NELL2: variants seen among roughly 807,000 people sequenced by gnomAD.
The protein encoded by NELL2 is protein kinase C-binding protein NELL2.
In NELL2, 41 loss-of-function variants were observed where a neutral mutation model predicts 109.6. The ratio of observed to expected loss-of-function variants is 0.37; its 90% CI spans 0.29 to 0.49. The LOEUF (loss-of-function observed/expected upper bound fraction) is 0.49, where lower values mean the gene tolerates loss of function less well. Among genes scored for constraint, NELL2 ranks in the 20% least tolerant of loss-of-function variants. NELL2 has a pLI of 0.98. For synonymous variants in NELL2, 355 were observed against 344.7 expected (o/e 1.03, Z -0.33); for missense variants, 900 against 1,008.3 (o/e 0.89, Z 1.45).
intron 15 of NELL2, among the ~76,000 whole-genome samples, chr12:44,583,571 T>G (rs780959201): frequency 6.6e-6 from 1 of 152,182 alleles, no homozygotes; most frequent in African/African-American, 2.4e-5. Flanking sequence ...TCATGAACTG[T>G]GTGAATTATT....
intron 2 of NELL2, among the ~76,000 whole-genome samples, chr12:44,833,523 A>G (rs1248232503): frequency 6.6e-6 from 1 of 151,702 alleles, no homozygotes; most frequent in African/African-American, 2.4e-5. Context: ...TGTGTACTAT[A>G]CCTCTCTTCT....
chr12:44,648,500 G>GT (rs1416921708), intron 13 of NELL2, among the ~76,000 whole-genome samples: 1 of 151,648 alleles, frequency 6.6e-6, no homozygotes, highest in Non-Finnish European at 1.5e-5. Flanking sequence ...ACTAAGGTGT[G>GT]TGAGTGTTAC....
At chr12:44,901,080 A>G (rs1945654882) in intron 1 of NELL2, among the ~76,000 whole-genome samples, 1 of 152,162 alleles carries the variant, frequency 6.6e-6, no homozygotes, top group Non-Finnish European at 1.5e-5. Flanking sequence ...AGAGATATGA[A>G]AAAGACTTCA....
At chr12:44,669,774 A>G (rs1042779836) in intron 12 of NELL2, among the ~76,000 whole-genome samples, 2 of 152,184 alleles carry the variant, frequency 1.3e-5, no homozygotes, top group Admixed American at 6.5e-5. Context: ...AGGAAACTAT[A>G]TAGTAACTAA....
At chr12:44,562,456 A>G (rs1287145954) in intron 15 of NELL2, among the ~76,000 whole-genome samples, 1 of 152,226 alleles carries the variant, frequency 6.6e-6, no homozygotes, top group Non-Finnish European at 1.5e-5. Context: ...CAAAGAACTT[A>G]AACAAATTTA....
intron 1 of NELL2, among the ~76,000 whole-genome samples, chr12:44,921,238 T>C (rs1945866114): frequency 6.6e-6 from 1 of 152,200 alleles, no homozygotes; most frequent in Admixed American, 6.5e-5. Flanking sequence ...AAACACTAGA[T>C]AGACTTGTGC....
chr12:44,561,505 C>A (rs1486905272), intron 15 of NELL2, among the ~76,000 whole-genome samples: 1 of 152,116 alleles, frequency 6.6e-6, no homozygotes, highest in Non-Finnish European at 1.5e-5. Flanking sequence ...AATCAATGTG[C>A]CAAAATCACA....
At chr12:44,678,445 T>C (rs1333487033) in intron 12 of NELL2, among the ~76,000 whole-genome samples, 1 of 152,078 alleles carries the variant, frequency 6.6e-6, no homozygotes, top group East Asian at 1.9e-4. Context: ...CATTCACTTC[T>C]GGAGTCCAGT....
chr12:44,859,679 C>T (rs1013771781), intron 2 of NELL2, among the ~76,000 whole-genome samples: 4 of 152,146 alleles, frequency 2.6e-5, no homozygotes, highest in African/African-American at 9.7e-5. Context: ...TAGATGCCTA[C>T]AAGAATGGGA....
intron 13 of NELL2, among the ~76,000 whole-genome samples, chr12:44,648,822 G>A (rs1257873303): frequency 7.2e-6 from 1 of 139,496 alleles, no homozygotes; most frequent in Non-Finnish European, 1.5e-5. Context: ...TGCAACCTCC[G>A]CCTCCCAGGT....
chr12:44,675,951 C>G (rs1948302038), intron 12 of NELL2, among the ~76,000 whole-genome samples: 1 of 152,062 alleles, frequency 6.6e-6, no homozygotes, highest in South Asian at 2.1e-4. Context: ...CCCTTTCCTG[C>G]CACATTATAC....
rs190989418 is a variant in NELL2 at position 44,583,085 on chromosome 12, T to C, written c.1663+24084A>G. Among the ~76,000 whole-genome samples the C allele has an allele frequency of 3.4e-3, 517 of 152,286 alleles. 5 individuals are homozygous for C. Among genetic ancestry groups the C allele is most frequent in the South Asian group, 0.022 (104 of 4,828 alleles). On this transcript the variant is annotated intron_variant, in intron 15 of 19. Coordinates refer to ENST00000429094, the MANE Select transcript of NELL2 (RefSeq NM_001145108.2). Reference sequence around the variant, plus strand: ...GAAATAAATTTCTTTTCACTAAAATTACCCAGTATGTGGTATTCTGTTATA... The same window carrying C: ...GAAATAAATTTCTTTTCACTAAAATCACCCAGTATGTGGTATTCTGTTATA...
chr12:44,770,592 AT>A (rs1471589343), intron 9 of NELL2, among the ~76,000 whole-genome samples: 2 of 152,228 alleles, frequency 1.3e-5, no homozygotes, highest in African/African-American at 4.8e-5. Context: ...TTAAAGTGTA[AT>A]CTATATTATA....
chr12:44,545,160 G>T (rs1183399675), intron 15 of NELL2, among the ~76,000 whole-genome samples: 1 of 152,036 alleles, frequency 6.6e-6, no homozygotes, highest in East Asian at 1.9e-4. Flanking sequence ...TCTGATACAT[G>T]AATGAGTTGA....
intron 1 of NELL2, among the ~76,000 whole-genome samples, chr12:44,900,412 C>G (rs1945647519): frequency 6.6e-6 from 1 of 152,180 alleles, no homozygotes; most frequent in South Asian, 2.1e-4. Flanking sequence ...AACAAACAGT[C>G]TCTTAGACCA....
At chr12:44,581,635 A>G (rs1420637891) in intron 15 of NELL2, among the ~76,000 whole-genome samples, 1 of 129,012 alleles carries the variant, frequency 7.8e-6, no homozygotes, top group African/African-American at 4.2e-5. Flanking sequence ...TGGTTAAAAG[A>G]AAAAAAAATA....
At chr12:44,831,164 C>G (rs1476308434) in intron 2 of NELL2, among the ~76,000 whole-genome samples, 2 of 152,040 alleles carry the variant, frequency 1.3e-5, no homozygotes, top group African/African-American at 4.8e-5. Context: ...GTATAAAATA[C>G]AGAAGATTCA....
intron 19 of NELL2, 53 bp from the exon 20 acceptor site, chr12:44,509,037 T>TAAATGATC (rs1940856784): frequency 6.9e-7 from 1 of 1,445,854 alleles, no homozygotes; most frequent in Non-Finnish European, 9.7e-7. Flanking sequence ...AAGCCATTAG[T>TAAATGATC]AAATGATCAC....
At chr12:44,760,237 T>A (rs959650386) in intron 9 of NELL2, among the ~76,000 whole-genome samples, 4 of 152,202 alleles carry the variant, frequency 2.6e-5, no homozygotes, top group African/African-American at 9.6e-5. Context: ...GAGACTTCTT[T>A]CATTAATATA....
Sources: gnomAD v4.1 joint callset for allele counts (sites outside exome capture counted in the v4.1 genomes callset) on GRCh38, gnomAD v4.1.1 for gene constraint, MANE v1.5 for transcripts, NCBI Gene and HGNC (gene_info 2026-07-23, HGNC 2026-07-21) for gene names.